Variants in AHRR observed in about 807,000 individuals in gnomAD.
AHRR encodes aryl hydrocarbon receptor repressor.
Under a neutral mutation model 44.0 loss-of-function variants are expected in AHRR, and 28 were observed. The observed-to-expected ratio is 0.64, with a 90% CI of 0.47 to 0.87. The LOEUF (loss-of-function observed/expected upper bound fraction) is 0.87. Among genes scored for constraint, AHRR ranks in the 40% least tolerant of loss-of-function variants. The probability of loss-of-function intolerance (pLI) is 0.00; values close to 1 mark genes in which losing one functional copy is unlikely to be tolerated. For missense variants in AHRR, 990 were observed against 953.9 expected (o/e 1.04, Z -0.50); for synonymous variants, 434 against 407.0 (o/e 1.07, Z -0.80).
intron 4 of AHRR, among the ~76,000 whole-genome samples, chr5:381,397 T>C (rs1733974890): frequency 6.6e-6 from 1 of 152,108 alleles, no homozygotes; most frequent in Non-Finnish European, 1.5e-5. Context: ...ACTTCTAGGA[T>C]GTCCAGTACA....
chr5:430,581 G>A (rs1204558698), intron 8 of AHRR, among the ~76,000 whole-genome samples: 1 of 152,288 alleles, frequency 6.6e-6, no homozygotes, highest in Non-Finnish European at 1.5e-5. Flanking sequence ...GGTGGTCTCT[G>A]TTGTGGGCGT....
intron 1 of AHRR, among the ~76,000 whole-genome samples, chr5:336,302 T>C (rs1742120905): frequency 6.6e-6 from 1 of 152,238 alleles, no homozygotes; most frequent in South Asian, 2.1e-4. Context: ...TCCTGCCTGT[T>C]TTCCTTCTTC....
At chr5:371,358 G>C (rs1048323451) in intron 3 of AHRR, among the ~76,000 whole-genome samples, 3 of 152,248 alleles carry the variant, frequency 2.0e-5, no homozygotes, top group African/African-American at 7.2e-5. Context: ...CACTAGGCCT[G>C]TGTCCTCATT....
chr5:434,499 C>G lies in AHRR; in HGVS notation c.1759C>G (p.Leu587Val). The G allele has an allele frequency of 1.9e-6, 3 of 1,613,080 alleles. No individual in the cohort carries two copies. Among genetic ancestry groups the G allele is most frequent in the Non-Finnish European group, 2.5e-6 (3 of 1,179,954 alleles). Residue 587 changes from leucine (L) to valine (V), a missense_variant, in exon 11 of 11, where the codon CTG becomes GTG. Coordinates refer to ENST00000684583, the MANE Select transcript of AHRR (RefSeq NM_001377236.1). Reference protein sequence around the residue: ...DSRQQVYISHLGHGVRGAQPH... With the variant: ...DSRQQVYISHVGHGVRGAQPH... Reference sequence around the variant, plus strand: ...TCGGCAACAGGTGTACATCTCGCACCTGGGGCACGGCGTGCGGGGGGCTCA... The same window carrying G: ...TCGGCAACAGGTGTACATCTCGCACGTGGGGCACGGCGTGCGGGGGGCTCA...
intron 7 of AHRR, among the ~76,000 whole-genome samples, chr5:426,906 T>G (rs994267445): frequency 6.7e-6 from 1 of 148,652 alleles, no homozygotes; most frequent in African/African-American, 2.5e-5. Flanking sequence ...GGTAGATGAA[T>G]GTATGGGAAG....
chr5:368,462 G>A (rs559504483), intron 3 of AHRR, among the ~76,000 whole-genome samples: 1 of 152,344 alleles, frequency 6.6e-6, no homozygotes, highest in Non-Finnish European at 1.5e-5. Context: ...TTTACAAAAT[G>A]TTTCTTGAAC....
chr5:344,276 G>A (rs954317460), intron 2 of AHRR, among the ~76,000 whole-genome samples: 3 of 151,278 alleles, frequency 2.0e-5, no homozygotes, highest in Non-Finnish European at 2.9e-5. Flanking sequence ...CGGAGGCGGC[G>A]GGGCCACGGC....
chr5:382,124 TTGTAA>T (rs1481313323), intron 4 of AHRR, among the ~76,000 whole-genome samples: 2 of 152,240 alleles, frequency 1.3e-5, no homozygotes, highest in Non-Finnish European at 2.9e-5. Flanking sequence ...TGTGGTTTTC[TTGTAA>T]TGTTTTTGTT....
At chr5:349,604 A>G (rs542300268) in intron 2 of AHRR, among the ~76,000 whole-genome samples, 2 of 152,168 alleles carry the variant, frequency 1.3e-5, no homozygotes, top group South Asian at 4.1e-4. Flanking sequence ...GAAGAAAGAA[A>G]ATTTTAAAAA....
At chr5:376,557 A>AACCGTGGG (rs368685976) in intron 3 of AHRR, 53 bp from the exon 4 acceptor site, 16 of 1,429,270 alleles carry the variant, frequency 1.1e-5, no homozygotes, top group East Asian at 2.4e-5. Context: ...AATGAAGAAG[A>AACCGTGGG]GTGGCCAGGC....
chr5:351,170 G>A (rs369152285), intron 2 of AHRR, among the ~76,000 whole-genome samples: 2 of 152,172 alleles, frequency 1.3e-5, no homozygotes, highest in Admixed American at 1.3e-4. Context: ...GTAAAATAGC[G>A]CAGCCACCAT....
chr5:384,246 G>T (rs1454503453), intron 4 of AHRR, among the ~76,000 whole-genome samples: 2 of 152,036 alleles, frequency 1.3e-5, no homozygotes, highest in Non-Finnish European at 2.9e-5. Context: ...GCTTTTGGGT[G>T]TATATTTTCT....
At chr5:363,536 C>T (rs1408315377) in intron 3 of AHRR, among the ~76,000 whole-genome samples, 1 of 152,238 alleles carries the variant, frequency 6.6e-6, no homozygotes, top group Non-Finnish European at 1.5e-5. Context: ...ATGACCCCAC[C>T]TGGTCCACAG....
chr5:352,847 G>C (rs957261280), intron 2 of AHRR, among the ~76,000 whole-genome samples: 11 of 146,168 alleles, frequency 7.5e-5, no homozygotes, highest in East Asian at 4.2e-4. Flanking sequence ...GACGGTCACT[G>C]TGAGGTTAAA....
Position 404,550 on chromosome 5 carries a change from G to C in AHRR, c.352-8794G>C. The C allele has an allele frequency of 3.4e-6, 1 of 298,146 alleles. No homozygotes were observed. Among genetic ancestry groups the C allele is most frequent in the Non-Finnish European group, 6.9e-6 (1 of 145,794 alleles). The allele number at this position is 298,146 out of a possible 1,614,324, so 18.5% of individuals were successfully genotyped here. A position where few individuals can be genotyped will look rare whatever the true frequency, so the allele number is the denominator to read the frequency against. On this transcript the variant is annotated intron_variant, in intron 4 of 10. Transcript: ENST00000684583. The surrounding 1 kb of genome is among the most constrained non-coding windows in gnomAD (Gnocchi z 4.1). ...TCTTCAGAAAAAGAGCAGGCGTCCT[G>C]GGCCGGGGCAGGCGATTGGTACTAA...
chr5:385,658 G>A (rs1378169354), intron 4 of AHRR, among the ~76,000 whole-genome samples: 1 of 152,080 alleles, frequency 6.6e-6, no homozygotes, highest in African/African-American at 2.4e-5. Context: ...TTACCTTTAT[G>A]ACTATTTCTT....
intron 8 of AHRR, among the ~76,000 whole-genome samples, chr5:431,312 A>T (rs1051238689): frequency 1.5e-4 from 23 of 152,250 alleles, no homozygotes; most frequent in African/African-American, 5.5e-4. Flanking sequence ...AGCCCAAGGC[A>T]CATAAAGCTG....
At chr5:334,346 T>C (rs1742044447) in intron 1 of AHRR, among the ~76,000 whole-genome samples, 1 of 152,126 alleles carries the variant, frequency 6.6e-6, no homozygotes, top group African/African-American at 2.4e-5. Context: ...GGAAGACCAA[T>C]AACTTGTAAA....
intron 4 of AHRR, among the ~76,000 whole-genome samples, chr5:385,500 T>A (rs1312415463): frequency 6.6e-6 from 1 of 152,174 alleles, no homozygotes; most frequent in Non-Finnish European, 1.5e-5. Flanking sequence ...GTGAATACTT[T>A]TGCTGGGTAT....
Sources: gnomAD v4.1 joint callset for allele counts (sites outside exome capture counted in the v4.1 genomes callset) on GRCh38, gnomAD v4.1.1 for gene constraint, Gnocchi (gnomAD v3.1) non-coding constraint, MANE v1.5 for transcripts, NCBI Gene and HGNC (gene_info 2026-07-23, HGNC 2026-07-21) for gene names.